The following NRG3 variants were observed in gnomAD, a reference collection of about 807,000 sequenced individuals.
NRG3 encodes the protein neuregulin 3, also known as pro-neuregulin-3, membrane-bound isoform.
NRG3 carries 31 observed loss-of-function variants against 66.9 expected under a neutral mutation model. That is an observed-to-expected ratio of 0.46 (90% CI 0.35 to 0.63). The LOEUF (loss-of-function observed/expected upper bound fraction) is 0.63, where lower values mean the gene tolerates loss of function less well. Among genes scored for constraint, NRG3 ranks in the 20% least tolerant of loss-of-function variants. The pLI is 0.00. For synonymous variants in NRG3, 393 were observed against 359.4 expected (o/e 1.09, Z -1.06); for missense variants, 910 against 878.9 (o/e 1.04, Z -0.45).
intron 2 of NRG3, among the ~76,000 whole-genome samples, chr10:82,618,830 G>A (rs562413440): frequency 1.3e-5 from 2 of 152,036 alleles, no homozygotes; most frequent in Admixed American, 1.3e-4. Context: ...GATATTAAAT[G>A]ATATAATGCA....
chr10:82,500,532 G>C (rs765685781), intron 2 of NRG3, among the ~76,000 whole-genome samples: 1 of 152,038 alleles, frequency 6.6e-6, no homozygotes, highest in Non-Finnish European at 1.5e-5. Flanking sequence ...CCTTGCTTCC[G>C]CTGCAGTGCA....
intron 1 of NRG3, among the ~76,000 whole-genome samples, chr10:81,969,657 A>G (rs1413859419): frequency 2.0e-5 from 3 of 152,248 alleles, no homozygotes; most frequent in African/African-American, 7.2e-5. Flanking sequence ...CTGATAATTC[A>G]GAAAGCACAT....
At chr10:82,701,453 A>G (rs985640691) in intron 2 of NRG3, among the ~76,000 whole-genome samples, 5 of 152,164 alleles carry the variant, frequency 3.3e-5, no homozygotes, top group Non-Finnish European at 7.3e-5. Flanking sequence ...GTCTGGTGAC[A>G]TATTTGTAAG....
chr10:82,285,054 T>G (rs1455499359), intron 1 of NRG3, among the ~76,000 whole-genome samples: 1 of 152,218 alleles, frequency 6.6e-6, no homozygotes, highest in Admixed American at 6.5e-5. Context: ...TTTATTTGTT[T>G]GGCTGATGCC....
chr10:82,624,918 T>TTTATATA (rs1565140013), intron 2 of NRG3, among the ~76,000 whole-genome samples: 1 of 144,360 alleles, frequency 6.9e-6, no homozygotes, highest in South Asian at 2.2e-4. Context: ...TATATATATT[T>TTTATATA]TATATATATA....
chr10:82,787,856 C>T (rs1193163830), intron 3 of NRG3, among the ~76,000 whole-genome samples: 1 of 152,146 alleles, frequency 6.6e-6, no homozygotes, highest in African/African-American at 2.4e-5. Context: ...TTGCAGGCTA[C>T]TATGGTGGGG....
chr10:82,157,750 G>A (rs933695023), intron 1 of NRG3, among the ~76,000 whole-genome samples: 4 of 114,966 alleles, frequency 3.5e-5, no homozygotes, highest in Non-Finnish European at 7.5e-5. Context: ...GTTATTGTAA[G>A]TTAAAATGTT....
At chr10:82,880,755 A>T (rs910748550) in intron 4 of NRG3, among the ~76,000 whole-genome samples, 1 of 152,196 alleles carries the variant, frequency 6.6e-6, no homozygotes, top group Non-Finnish European at 1.5e-5. Flanking sequence ...TAAATTTCAG[A>T]GATGTAACAA....
intron 4 of NRG3, among the ~76,000 whole-genome samples, chr10:82,882,327 A>G (rs1257445877): frequency 6.6e-6 from 1 of 152,138 alleles, no homozygotes; most frequent in Non-Finnish European, 1.5e-5. Flanking sequence ...TTCAAATCCC[A>G]TTGTCTAAAT....
intron 1 of NRG3, among the ~76,000 whole-genome samples, chr10:82,000,179 A>C (rs1322705531): frequency 6.6e-6 from 1 of 152,250 alleles, no homozygotes; most frequent in Non-Finnish European, 1.5e-5. Context: ...CTAAACTTTA[A>C]AGAACACACA....
chr10:82,317,203 AT>A (rs557938157), intron 1 of NRG3, among the ~76,000 whole-genome samples: 1,959 of 141,940 alleles, frequency 0.014, 9 homozygotes, highest in African/African-American at 0.024. Context: ...GGTAGAATAG[AT>A]TTTTTTTTTT....
intron 1 of NRG3, among the ~76,000 whole-genome samples, chr10:81,914,545 C>T (rs1207712102): frequency 6.6e-6 from 1 of 151,728 alleles, no homozygotes; most frequent in Non-Finnish European, 1.5e-5. Flanking sequence ...CCAGCCTGGG[C>T]AACATTGCGA....
intron 2 of NRG3, among the ~76,000 whole-genome samples, chr10:82,377,850 G>A (rs1049946037): frequency 1.3e-5 from 2 of 152,198 alleles, no homozygotes; most frequent in African/African-American, 4.8e-5. Flanking sequence ...TACAAATCAG[G>A]TTGGATTGGG....
chr10:82,973,653 T>C, intron 6 of NRG3, 135 bp from the exon 7 acceptor site: 1 of 869,956 alleles, frequency 1.1e-6, no homozygotes, highest in East Asian at 2.5e-5. Context: ...ACAAATTATG[T>C]CTTATCTCCT....
intron 2 of NRG3, among the ~76,000 whole-genome samples, chr10:82,577,417 A>G (rs747994029): frequency 6.6e-6 from 1 of 151,826 alleles, no homozygotes; most frequent in Non-Finnish European, 1.5e-5. Context: ...TTTTACAAAA[A>G]TCATTGTAAG....
intron 1 of NRG3, among the ~76,000 whole-genome samples, chr10:82,099,862 T>C (rs2066614360): frequency 6.6e-6 from 1 of 151,994 alleles, no homozygotes; most frequent in African/African-American, 2.4e-5. Context: ...CACATGCCTA[T>C]ACTCCTAGAT....
intron 1 of NRG3, among the ~76,000 whole-genome samples, chr10:81,889,930 C>A (rs2132546980): frequency 6.6e-6 from 1 of 152,238 alleles, no homozygotes; most frequent in South Asian, 2.1e-4. Flanking sequence ...TCTAAATGAC[C>A]TTTTGTGGTA....
chr10:82,853,834 A>G (rs481895), intron 3 of NRG3, among the ~76,000 whole-genome samples: 69,687 of 151,890 alleles, frequency 0.46, 16,300 homozygotes, highest in Non-Finnish European at 0.49. Context: ...CCCATATTTT[A>G]CTGAATAGAA....
chr10:82,722,636 C>T (rs1456082681), intron 2 of NRG3, among the ~76,000 whole-genome samples: 3 of 152,138 alleles, frequency 2.0e-5, no homozygotes, highest in East Asian at 1.9e-4. Context: ...CACAGGATAG[C>T]TTATTAAATC....
Sources: allele counts gnomAD v4.1 joint callset (sites outside exome capture counted in the v4.1 genomes callset), GRCh38; gene constraint gnomAD v4.1.1; transcripts MANE v1.5; gene names NCBI Gene and HGNC (gene_info 2026-07-23, HGNC 2026-07-21).